Variants in CSMD3 observed in about 807,000 individuals in gnomAD.
CSMD3 encodes the protein CUB and sushi domain-containing protein 3.
In CSMD3, 177 loss-of-function variants were observed where a neutral mutation model predicts 435.2. The ratio of observed to expected loss-of-function variants is 0.41; its 90% CI spans 0.36 to 0.46. The LOEUF (loss-of-function observed/expected upper bound fraction) is 0.46, where lower values mean the gene tolerates loss of function less well. Among genes scored for constraint, CSMD3 ranks in the 20% least tolerant of loss-of-function variants. The pLI is 0.34. For missense variants in CSMD3, 4,265 were observed against 4,504.6 expected, an observed-to-expected ratio of 0.95 and a Z score of 1.52; for synonymous variants, 1,656 against 1,520.5, an observed-to-expected ratio of 1.09 and a Z score of -2.07.
chr8:112,865,019 G>C (rs149176882), intron 10 of CSMD3, among the ~76,000 whole-genome samples: 1 of 152,240 alleles, frequency 6.6e-6, no homozygotes, highest in Non-Finnish European at 1.5e-5. Context: ...TACCTGCAGA[G>C]ACCTTGCAAA....
chr8:112,827,164 A>ATATGT, intron 12 of CSMD3, among the ~76,000 whole-genome samples: 1 of 82,852 alleles, frequency 1.2e-5, no homozygotes, highest in African/African-American at 4.7e-5. Context: ...GGTTACCATA[A>ATATGT]ATATATATAT....
At chr8:112,700,466 A>T (rs894156790) in intron 13 of CSMD3, among the ~76,000 whole-genome samples, 5 of 152,146 alleles carry the variant, frequency 3.3e-5, no homozygotes, top group Non-Finnish European at 7.4e-5. Context: ...GTGCCACTGC[A>T]CTCCAGCCTG....
intron 30 of CSMD3, among the ~76,000 whole-genome samples, chr8:112,494,574 T>TC (rs1178645067): frequency 6.0e-5 from 9 of 148,798 alleles, no homozygotes; most frequent in African/African-American, 2.0e-4. Flanking sequence ...TTTCTTTCTT[T>TC]TCTTTCTTTC....
intron 29 of CSMD3, among the ~76,000 whole-genome samples, chr8:112,505,417 C>T (rs1232708918): frequency 2.6e-5 from 4 of 152,122 alleles, no homozygotes; most frequent in Admixed American, 6.6e-5. Context: ...TTCATCTCTT[C>T]CAACATTAAA....
intron 8 of CSMD3, 96 bp from the exon 9 acceptor site, chr8:112,947,973 T>C (rs2083674728): frequency 1.5e-6 from 1 of 653,056 alleles, no homozygotes; most frequent in South Asian, 1.8e-5. Flanking sequence ...TGTATTATTG[T>C]ATTTTGTCAC....
intron 10 of CSMD3, among the ~76,000 whole-genome samples, chr8:112,873,858 A>T (rs2081203686): frequency 6.6e-6 from 1 of 152,042 alleles, no homozygotes; most frequent in African/African-American, 2.4e-5. Flanking sequence ...TCATAAAACC[A>T]GCTCCTGGAT....
At chr8:112,998,845 C>G (rs959688711) in intron 6 of CSMD3, among the ~76,000 whole-genome samples, 1 of 151,802 alleles carries the variant, frequency 6.6e-6, no homozygotes, top group African/African-American at 2.4e-5. Context: ...TAGCACCTCC[C>G]CACTCTCTTT....
intron 13 of CSMD3, among the ~76,000 whole-genome samples, chr8:112,717,523 A>C (rs1330632043): frequency 6.6e-6 from 1 of 152,196 alleles, no homozygotes; most frequent in Admixed American, 6.5e-5. Flanking sequence ...AAGGATCTAG[A>C]ACCAGAAATA....
chr8:112,592,361 C>T (rs1318969449), intron 22 of CSMD3, among the ~76,000 whole-genome samples: 1 of 151,848 alleles, frequency 6.6e-6, no homozygotes, highest in African/African-American at 2.4e-5. Context: ...ACTTAACTGG[C>T]TTTCTCCTTT....
chr8:112,971,976 C>T (rs1261901417), intron 7 of CSMD3, among the ~76,000 whole-genome samples: 1 of 151,666 alleles, frequency 6.6e-6, no homozygotes. Flanking sequence ...TAAGTTTTTC[C>T]AGATTATTCA....
At position 113,401,163 on chromosome 8, in the gene CSMD3, C is replaced by A. The variant is rs1049555155; in HGVS notation, c.178+35514G>T. ...CACTGTTAGAAATATTAACAGAAGGCATGCCTGATTTGGATGGAGCATTGA... is the reference window on the plus strand; with the variant it reads ...CACTGTTAGAAATATTAACAGAAGGAATGCCTGATTTGGATGGAGCATTGA... On this transcript the variant is annotated intron_variant, in intron 1 of 70. Coordinates refer to ENST00000297405, the MANE Select transcript of CSMD3 (RefSeq NM_198123.2). 1.6e-4 allele frequency among the ~76,000 whole-genome samples: 25 copies of A among 151,820 alleles called. No individual in the cohort carries two copies. The South Asian group carries it at 2.3e-3, about 14-fold the overall frequency.
intron 9 of CSMD3, among the ~76,000 whole-genome samples, chr8:112,945,487 T>G (rs1424803015): frequency 6.6e-6 from 1 of 151,616 alleles, no homozygotes; most frequent in Non-Finnish European, 1.5e-5. Context: ...AGGGAGATCC[T>G]GCCCAGCCTA....
chr8:112,666,526 G>T, intron 16 of CSMD3, 111 bp from the exon 17 acceptor site: 2 of 887,544 alleles, frequency 2.3e-6, no homozygotes, highest in Non-Finnish European at 3.6e-6. Flanking sequence ...TTATTAAATA[G>T]TTAATACTAT....
At chr8:113,435,094 T>C (rs1463323120) in intron 1 of CSMD3, among the ~76,000 whole-genome samples, 2 of 152,140 alleles carry the variant, frequency 1.3e-5, no homozygotes, top group African/African-American at 4.8e-5. Flanking sequence ...GAACTAAGCA[T>C]AAATGTGTGG....
At chr8:113,413,473 A>T (rs1040362959) in intron 1 of CSMD3, among the ~76,000 whole-genome samples, 2 of 152,260 alleles carry the variant, frequency 1.3e-5, no homozygotes, top group Non-Finnish European at 2.9e-5. Context: ...TACACTGTCA[A>T]CTAAGCTTCA....
intron 19 of CSMD3, among the ~76,000 whole-genome samples, chr8:112,647,363 G>T (rs1377560468): frequency 6.7e-6 from 1 of 150,006 alleles, no homozygotes; most frequent in Non-Finnish European, 1.5e-5. Context: ...GTGCAGTGGC[G>T]CTATCTCGGC....
intron 9 of CSMD3, among the ~76,000 whole-genome samples, chr8:112,941,835 A>G (rs1312638025): frequency 6.6e-6 from 1 of 151,732 alleles, no homozygotes; most frequent in East Asian, 1.9e-4. Flanking sequence ...CACAGAGAGT[A>G]CAGAGGGTTC....
At chr8:112,246,429 C>T (rs1426258643) in intron 64 of CSMD3, among the ~76,000 whole-genome samples, 2 of 152,138 alleles carry the variant, frequency 1.3e-5, no homozygotes, top group Non-Finnish European at 2.9e-5. Context: ...AGCCAAATAG[C>T]TGACCAGCTA....
At chr8:112,432,608 C>T (rs893099748) in intron 32 of CSMD3, among the ~76,000 whole-genome samples, 1 of 152,074 alleles carries the variant, frequency 6.6e-6, no homozygotes, top group Non-Finnish European at 1.5e-5. Flanking sequence ...CCACTGCACC[C>T]AGCCAGAATC....
Sources: allele counts gnomAD v4.1 joint callset (sites outside exome capture counted in the v4.1 genomes callset), GRCh38; gene constraint gnomAD v4.1.1; transcripts MANE v1.5; gene names NCBI Gene and HGNC (gene_info 2026-07-23, HGNC 2026-07-21).